The following AFAP1L2 variants were observed in gnomAD, a reference collection of about 807,000 sequenced individuals.
The protein encoded by AFAP1L2 is actin filament-associated protein 1-like 2.
A neutral mutation model predicts 99.3 loss-of-function variants in AFAP1L2; 46 were observed. That is an observed-to-expected ratio of 0.46 (90% CI 0.37 to 0.59). AFAP1L2 has a LOEUF of 0.59. Among genes scored for constraint, AFAP1L2 ranks in the 20% least tolerant of loss-of-function variants. The pLI is 0.00. For missense variants in AFAP1L2, 959 were observed against 1,034.9 expected (o/e 0.93, Z 1.01); for synonymous variants, 397 against 419.1 (o/e 0.95, Z 0.64).
chr10:114,363,785 G>A (rs1288464506), intron 1 of AFAP1L2, among the ~76,000 whole-genome samples: 1 of 152,186 alleles, frequency 6.6e-6, no homozygotes, highest in Non-Finnish European at 1.5e-5. Context: ...CAGTGCTGTT[G>A]TGTGATGGCC....
intron 8 of AFAP1L2, among the ~76,000 whole-genome samples, chr10:114,309,834 C>A (rs1266218349): frequency 6.6e-6 from 1 of 152,162 alleles, no homozygotes; most frequent in African/African-American, 2.4e-5. Context: ...CCGGCACCTA[C>A]AAGCAAGAAA....
intron 1 of AFAP1L2, among the ~76,000 whole-genome samples, chr10:114,344,098 CT>C (rs1336309591): frequency 6.6e-6 from 1 of 152,244 alleles, no homozygotes; most frequent in East Asian, 1.9e-4. Context: ...ACATTTCCTA[CT>C]GTGAAGTCCA....
chr10:114,286,456 T>C, the AFAP1L2 span: 1 of 1,609,700 alleles, frequency 6.2e-7, no homozygotes. Context: ...ATCCTCAGGA[T>C]CTGTTCAACC....
rs1035031784 is a variant in AFAP1L2, at chr10:114,295,932, T to G, written c.*110A>C. ...TCTCCATTCACAGTACCTCAGTCTT[T>G]GCTTTTTCTTCTAAACAGACTCACC... On this transcript the variant is annotated 3_prime_UTR_variant, in exon 19 of 19. Transcript: ENST00000304129. The G allele has an allele frequency of 6.3e-7, 1 of 1,599,912 alleles. No individual in the cohort carries two copies. Among genetic ancestry groups the G allele is most frequent in the East Asian group, 2.2e-5 (1 of 44,678 alleles).
At chr10:114,281,734 A>T in the AFAP1L2 span, 2 of 985,284 alleles carry the variant, frequency 2.0e-6, no homozygotes, top group Non-Finnish European at 2.4e-6. Context: ...GGAGGCCTGG[A>T]GCCTTGCTCC....
intron 5 of AFAP1L2, among the ~76,000 whole-genome samples, chr10:114,321,832 G>C (rs2045395081): frequency 6.6e-6 from 1 of 152,232 alleles, no homozygotes; most frequent in Non-Finnish European, 1.5e-5. Flanking sequence ...GCCAAGGACA[G>C]AGGGTGTTAG....
chr10:114,289,059 C>T, the AFAP1L2 span: 3 of 1,614,188 alleles, frequency 1.9e-6, no homozygotes, highest in East Asian at 4.5e-5. Context: ...TTGAGGTGAA[C>T]CCTGACGTGA....
chr10:114,318,337 CAT>C (rs963099535), intron 5 of AFAP1L2, among the ~76,000 whole-genome samples: 2 of 152,180 alleles, frequency 1.3e-5, no homozygotes, highest in Non-Finnish European at 2.9e-5. Context: ...GGTTGCCCCA[CAT>C]GTTTCATGAA....
the AFAP1L2 span, among the ~76,000 whole-genome samples, chr10:114,288,673 C>T: frequency 7.9e-5 from 12 of 152,220 alleles, no homozygotes; most frequent in Non-Finnish European, 1.6e-4. Flanking sequence ...TGAAATTGAT[C>T]ACGTCCGTCA....
At chr10:114,328,516 C>G (rs887681777) in intron 4 of AFAP1L2, among the ~76,000 whole-genome samples, 1 of 152,154 alleles carries the variant, frequency 6.6e-6, no homozygotes. Context: ...GCTCAGGGTT[C>G]CAGCCTGAGC....
chr10:114,330,001 G>A (rs2046995505), intron 4 of AFAP1L2, among the ~76,000 whole-genome samples: 1 of 152,154 alleles, frequency 6.6e-6, no homozygotes, highest in Non-Finnish European at 1.5e-5. Context: ...GGGTGTAGCA[G>A]TCGCTGGCAT....
intron 4 of AFAP1L2, among the ~76,000 whole-genome samples, chr10:114,329,676 G>C (rs1409210979): frequency 3.9e-5 from 6 of 152,190 alleles, no homozygotes; most frequent in African/African-American, 1.4e-4. Context: ...GACAGCAGAG[G>C]GGCTGTGCTC....
At chr10:114,302,286 ACAGCATGG>A in intron 12 of AFAP1L2, 45 bp downstream of exon 12, 2 of 1,611,652 alleles carry the variant, frequency 1.2e-6, no homozygotes, top group Non-Finnish European at 1.7e-6. Flanking sequence ...CCCAGGGCCT[ACAGCATGG>A]CCAGGAATAA....
At chr10:114,303,252 C>T (rs1487814630) in intron 11 of AFAP1L2, among the ~76,000 whole-genome samples, 1 of 152,218 alleles carries the variant, frequency 6.6e-6, no homozygotes, top group African/African-American at 2.4e-5. Context: ...GCTACATTCT[C>T]TTCATCAAAG....
chr10:114,320,733 G>C (rs1055530304), intron 5 of AFAP1L2, among the ~76,000 whole-genome samples: 9 of 152,214 alleles, frequency 5.9e-5, no homozygotes, highest in Non-Finnish European at 1.0e-4. Flanking sequence ...ACTTGTTTGT[G>C]TCGAGATGGA....
intron 1 of AFAP1L2, chr10:114,362,971 G>A (rs1400824815): frequency 1.2e-5 from 12 of 985,260 alleles, no homozygotes; most frequent in Middle Eastern, 5.2e-4. Context: ...ACAGTGGGCC[G>A]GGGAATTCCC....
chr10:114,395,904 A>C (rs930750027), intron 1 of AFAP1L2, among the ~76,000 whole-genome samples: 3 of 152,238 alleles, frequency 2.0e-5, no homozygotes, highest in African/African-American at 7.2e-5. Flanking sequence ...ACCCTGCATC[A>C]GGGAAATTTC....
At chr10:114,342,163 T>C (rs2048916131) in intron 1 of AFAP1L2, among the ~76,000 whole-genome samples, 1 of 152,204 alleles carries the variant, frequency 6.6e-6, no homozygotes, top group Non-Finnish European at 1.5e-5. Flanking sequence ...ATGAGGAGAC[T>C]GCCTTTCTCT....
At chr10:114,292,601 T>A (rs1441065899), downstream of AFAP1L2, among the ~76,000 whole-genome samples, 2 of 150,990 alleles carry the variant, frequency 1.3e-5, no homozygotes, top group Non-Finnish European at 2.9e-5. Context: ...TACTTCCCTA[T>A]CGCTGCAGTA....
Sources: gnomAD v4.1 joint callset for allele counts (sites outside exome capture counted in the v4.1 genomes callset) on GRCh38, gnomAD v4.1.1 for gene constraint, MANE v1.5 for transcripts, NCBI Gene and HGNC (gene_info 2026-07-23, HGNC 2026-07-21) for gene names.